The following USP15 variants were observed in gnomAD, a reference collection of about 807,000 sequenced individuals.
USP15 encodes ubiquitin specific peptidase 15.
Under a neutral mutation model 127.1 loss-of-function variants are expected in USP15, and 18 were observed. The observed-to-expected ratio is 0.14, with a 90% CI of 0.10 to 0.21. The LOEUF (loss-of-function observed/expected upper bound fraction) is 0.21, where lower values mean the gene tolerates loss of function less well. Among genes scored for constraint, USP15 ranks in the 10% least tolerant of loss-of-function variants. The pLI, the probability that USP15 is intolerant of heterozygous loss-of-function variation, is 1.00. For missense variants in USP15, 805 were observed against 1,159.9 expected (o/e 0.69, Z 4.44); for synonymous variants, 364 against 393.7 (o/e 0.92, Z 0.89).
intron 3 of USP15, among the ~76,000 whole-genome samples, chr12:62,304,371 T>C (rs2064413102): frequency 6.6e-6 from 1 of 152,216 alleles, no homozygotes; most frequent in Non-Finnish European, 1.5e-5. Flanking sequence ...CTATATTACA[T>C]TGCGTGGAGT....
At chr12:62,357,059 C>G (rs932294417) in intron 8 of USP15, among the ~76,000 whole-genome samples, 8 of 151,632 alleles carry the variant, frequency 5.3e-5, no homozygotes, top group African/African-American at 1.9e-4. Flanking sequence ...GTTTTTTTTC[C>G]TAGTTTAGAA....
At chr12:62,331,800 T>C (rs2065312016) in intron 6 of USP15, among the ~76,000 whole-genome samples, 1 of 152,198 alleles carries the variant, frequency 6.6e-6, no homozygotes, top group Non-Finnish European at 1.5e-5. Context: ...GTGTATATGC[T>C]TTTAATCAGC....
intron 3 of USP15, among the ~76,000 whole-genome samples, chr12:62,313,353 G>A (rs10459253): frequency 0.22 from 33,945 of 151,220 alleles, 4,152 homozygotes; most frequent in African/African-American, 0.34. Context: ...ATCATAATGG[G>A]GGTTTTGTTT....
At chr12:62,388,122 T>A (rs1267516091) in intron 11 of USP15, among the ~76,000 whole-genome samples, 1 of 119,598 alleles carries the variant, frequency 8.4e-6, no homozygotes, top group Non-Finnish European at 1.8e-5. Context: ...TGAAGATTTT[T>A]TTTTTTTTTT....
chr12:62,388,993 C>A (rs1385423678), intron 11 of USP15, among the ~76,000 whole-genome samples: 1 of 152,118 alleles, frequency 6.6e-6, no homozygotes, highest in African/African-American at 2.4e-5. Context: ...GTCATGGTGT[C>A]ACACGCATGT....
chr12:62,344,840 A>G (rs1427807530), intron 6 of USP15, among the ~76,000 whole-genome samples: 1 of 152,214 alleles, frequency 6.6e-6, no homozygotes, highest in Non-Finnish European at 1.5e-5. Flanking sequence ...CTGAAGCAAC[A>G]GCCTGAGCTG....
intron 11 of USP15, among the ~76,000 whole-genome samples, chr12:62,386,140 G>C (rs1284645272): frequency 6.7e-6 from 1 of 149,240 alleles, no homozygotes; most frequent in Non-Finnish European, 1.5e-5. Context: ...GGTTAGCACA[G>C]AGAAATTCGT....
chr12:62,363,667 A>G (rs934755296), intron 8 of USP15, among the ~76,000 whole-genome samples: 4 of 152,010 alleles, frequency 2.6e-5, no homozygotes, highest in Non-Finnish European at 4.4e-5. Flanking sequence ...CTCCCAACAC[A>G]GACACCCTCT....
chr12:62,393,507 G>A (rs1180701246), intron 19 of USP15: 4 of 202,726 alleles, frequency 2.0e-5, no homozygotes, highest in East Asian at 2.4e-4. Flanking sequence ...ATACTTTATG[G>A]TACTTAGTGA....
chr12:62,360,204 A>T (rs1002738279), intron 8 of USP15, among the ~76,000 whole-genome samples: 1 of 152,134 alleles, frequency 6.6e-6, no homozygotes, highest in African/African-American at 2.4e-5. Flanking sequence ...TTACTTGGAC[A>T]TAATAGAGCT....
chr12:62,372,199 A>G (rs2066694147), intron 8 of USP15, among the ~76,000 whole-genome samples: 1 of 152,062 alleles, frequency 6.6e-6, no homozygotes, highest in Non-Finnish European at 1.5e-5. Flanking sequence ...TATAGCACAT[A>G]ATATATATAT....
intron 8 of USP15, among the ~76,000 whole-genome samples, chr12:62,365,754 T>G (rs2066456974): frequency 6.6e-6 from 1 of 152,180 alleles, no homozygotes; most frequent in Non-Finnish European, 1.5e-5. Context: ...GGGGTCCAGT[T>G]TCTGTTTTCT....
chr12:62,395,406 G>A (rs1355035385), intron 19 of USP15, among the ~76,000 whole-genome samples: 1 of 151,894 alleles, frequency 6.6e-6, no homozygotes, highest in Non-Finnish European at 1.5e-5. Flanking sequence ...GTATATATTT[G>A]TGGGGTACAT....
chr12:62,292,440 A>T (rs1322217180), intron 1 of USP15, among the ~76,000 whole-genome samples: 1 of 152,164 alleles, frequency 6.6e-6, no homozygotes, highest in Non-Finnish European at 1.5e-5. Context: ...CACCTTTCTC[A>T]TGAACCTGGG....
At chr12:62,388,507 G>A (rs2067226856) in intron 11 of USP15, among the ~76,000 whole-genome samples, 1 of 152,190 alleles carries the variant, frequency 6.6e-6, no homozygotes, top group Non-Finnish European at 1.5e-5. Context: ...TTATTTCTGA[G>A]TACTGTCAAA....
Position 62,405,165 on chromosome 12 carries a change from C to G in USP15, c.*790C>G, listed in dbSNP as rs1488640443. On this transcript the variant is annotated 3_prime_UTR_variant, in exon 22 of 22. Transcript: ENST00000280377. ...GCATATCTTTAATTGGGTGTTGGTC[C>G]AAAATTAAAATTTTTGCTGTCTGTT... The G allele has an allele frequency of 6.6e-6, 1 of 151,966 alleles. No homozygotes were observed. Among genetic ancestry groups the G allele is most frequent in the Non-Finnish European group, 1.5e-5 (1 of 67,956 alleles). 9.4% of individuals were successfully genotyped at this position (151,966 alleles called of 1,614,324 possible). A position where few individuals can be genotyped will look rare whatever the true frequency, so the allele number is the denominator to read the frequency against.
chr12:62,276,474 T>A (rs1194570642), intron 1 of USP15, among the ~76,000 whole-genome samples: 1 of 152,110 alleles, frequency 6.6e-6, no homozygotes. Flanking sequence ...AGTTTTGGAA[T>A]TGTTTGTTTT....
chr12:62,277,294 CTACTGT>C (rs1444128030), intron 1 of USP15, among the ~76,000 whole-genome samples: 3 of 152,178 alleles, frequency 2.0e-5, no homozygotes, highest in Admixed American at 2.0e-4. Flanking sequence ...TAAAGCTGTG[CTACTGT>C]TTTTATTATC....
At chr12:62,392,422 C>A (rs760522571) in intron 18 of USP15, 35 bp downstream of exon 18, 2 of 1,470,748 alleles carry the variant, frequency 1.4e-6, no homozygotes, top group East Asian at 4.6e-5. Context: ...TTTTTGTTTT[C>A]TTTAAGGATT....
Sources: allele counts gnomAD v4.1 joint callset (sites outside exome capture counted in the v4.1 genomes callset), GRCh38; gene constraint gnomAD v4.1.1; transcripts MANE v1.5; gene names NCBI Gene and HGNC (gene_info 2026-07-23, HGNC 2026-07-21).